Variants in OSBPL9 observed in about 807,000 individuals in gnomAD.
OSBPL9 encodes the protein oxysterol-binding protein-related protein 9.
Under a neutral mutation model 106.6 loss-of-function variants are expected in OSBPL9, and 40 were observed. The ratio of observed to expected loss-of-function variants is 0.38; its 90% confidence interval spans 0.29 to 0.49. OSBPL9 has a LOEUF of 0.49. OSBPL9 is among the 20% of genes least tolerant of loss of function. The pLI, the probability that OSBPL9 is intolerant of heterozygous loss-of-function variation, is 0.97. For missense variants in OSBPL9, 609 were observed against 887.2 expected, an observed-to-expected ratio of 0.69 and a Z score of 3.98; for synonymous variants, 269 against 295.4, an observed-to-expected ratio of 0.91 and a Z score of 0.92.
At chr1:51,766,913 CAA>C (rs35475237) in intron 12 of OSBPL9, among the ~76,000 whole-genome samples, 3 of 136,202 alleles carry the variant, frequency 2.2e-5, no homozygotes, top group African/African-American at 2.7e-5. Context: ...CTAAAAATAC[CAA>C]AAAAAAAAAA....
Position 51,729,085 on chromosome 1 carries a change from T to A in OSBPL9, c.318+15006T>A. On this transcript the variant is annotated intron_variant, in intron 4 of 23. Coordinates refer to ENST00000428468, the MANE Select transcript of OSBPL9 (RefSeq NM_024586.6). The surrounding 1 kb of genome is among the most constrained non-coding windows in gnomAD (Gnocchi z 5.1). ...GGTCCTCTTAAGTCCAGACTTTTGA[T>A]ATAATCTGCAGTTTGCGCCATTTGG... Among the ~76,000 whole-genome samples, 1 of 152,206 alleles carries A rather than the reference T, an allele frequency of 6.6e-6. No homozygotes were observed. The highest frequency in any genetic ancestry group is 2.1e-4 in the South Asian group (1 of 4,836).
chr1:51,536,447 T>C, the OSBPL9 span, among the ~76,000 whole-genome samples: 6 of 152,120 alleles, frequency 3.9e-5, no homozygotes, highest in Admixed American at 2.6e-4. Flanking sequence ...AGCTAGCTAG[T>C]ACCGCAGGCA....
intron 1 of OSBPL9, among the ~76,000 whole-genome samples, chr1:51,643,670 G>A (rs1570742751): frequency 6.6e-6 from 1 of 152,010 alleles, no homozygotes; most frequent in African/African-American, 2.4e-5. Context: ...TTGCTTGCTT[G>A]CTTGTTTTGT....
intron 1 of OSBPL9, among the ~76,000 whole-genome samples, chr1:51,649,901 G>A (rs1646408099): frequency 6.6e-6 from 1 of 151,764 alleles, no homozygotes; most frequent in South Asian, 2.1e-4. Context: ...TGAAAAAAGG[G>A]TTTTGCTCTG....
chr1:51,755,524 A>G (rs1670151375), intron 8 of OSBPL9, among the ~76,000 whole-genome samples: 1 of 152,182 alleles, frequency 6.6e-6, no homozygotes, highest in Admixed American at 6.5e-5. Context: ...TTCCCAGGCT[A>G]CTGGTAATGC....
chr1:51,712,542 A>C (rs1321654460), intron 3 of OSBPL9, among the ~76,000 whole-genome samples: 2 of 152,046 alleles, frequency 1.3e-5, no homozygotes, highest in African/African-American at 2.4e-5. Flanking sequence ...GTTGTACTTA[A>C]TCTGCTGTTG....
intron 3 of OSBPL9, among the ~76,000 whole-genome samples, chr1:51,710,802 A>G (rs1263983813): frequency 6.6e-6 from 1 of 152,032 alleles, no homozygotes; most frequent in Non-Finnish European, 1.5e-5. Context: ...GATATTTCCT[A>G]TATCTTTGGT....
intron 3 of OSBPL9, among the ~76,000 whole-genome samples, chr1:51,710,233 C>G (rs1659525311): frequency 6.6e-6 from 1 of 152,132 alleles, no homozygotes; most frequent in Non-Finnish European, 1.5e-5. Context: ...CTTATAGGAC[C>G]TGAGTTGTGT....
chr1:51,558,472 T>C, the OSBPL9 span, among the ~76,000 whole-genome samples: 1 of 152,080 alleles, frequency 6.6e-6, no homozygotes. Context: ...GTATTTGAGG[T>C]ATTTTTCCGA....
chr1:51,548,059 T>A, the OSBPL9 span, among the ~76,000 whole-genome samples: 58 of 151,986 alleles, frequency 3.8e-4, no homozygotes, highest in Non-Finnish European at 7.5e-4. Flanking sequence ...TGAATACCTA[T>A]TAATTTTCAA....
chr1:51,726,681 G>A (rs571680537), intron 4 of OSBPL9, among the ~76,000 whole-genome samples: 3 of 152,254 alleles, frequency 2.0e-5, no homozygotes, highest in African/African-American at 7.2e-5. Flanking sequence ...AGAAGAGTTG[G>A]AAATCTGATT....
At chr1:51,671,169 T>C (rs1649780937) in intron 3 of OSBPL9, among the ~76,000 whole-genome samples, 1 of 152,218 alleles carries the variant, frequency 6.6e-6, no homozygotes, top group African/African-American at 2.4e-5. Flanking sequence ...GTAGTAGTTA[T>C]GGGAGTTTTA....
chr1:51,613,638 A>G (rs1210540932), upstream of OSBPL9, among the ~76,000 whole-genome samples: 1 of 152,122 alleles, frequency 6.6e-6, no homozygotes, highest in Non-Finnish European at 1.5e-5. Context: ...AGAAACAGAA[A>G]TGGCTTTGTA....
the OSBPL9 span, among the ~76,000 whole-genome samples, chr1:51,529,989 G>A: frequency 6.9e-3 from 1,047 of 151,258 alleles, 8 homozygotes; most frequent in African/African-American, 0.024. Context: ...GGCTAACACG[G>A]TGAAACCCGT....
intron 10 of OSBPL9, among the ~76,000 whole-genome samples, chr1:51,761,005 T>C (rs1219002529): frequency 3.9e-5 from 6 of 152,198 alleles, no homozygotes; most frequent in Non-Finnish European, 7.4e-5. Context: ...CAAAGTGAGA[T>C]AGAAAACAAA....
intron 1 of OSBPL9, among the ~76,000 whole-genome samples, chr1:51,587,131 C>T (rs193219301): frequency 9.0e-4 from 137 of 152,246 alleles, no homozygotes; most frequent in African/African-American, 3.2e-3. Flanking sequence ...TTTGGGAGGC[C>T]GAGGTGGACA....
At position 51,776,818 on chromosome 1, in the gene OSBPL9, G is replaced by T; in HGVS notation, c.1171-15G>T. On this transcript the variant is annotated splice_polypyrimidine_tract_variant and intron_variant, in intron 14 of 23. Transcript: ENST00000428468. ...GAAATTTGATCTTCAAGGGTCAAAT[G>T]TGTATGTTTTTCAGGTAGTTCTTCC... 6.6e-7 allele frequency: 1 copy of T among 1,518,402 alleles called. No individual in the cohort carries two copies. Among genetic ancestry groups the T allele is most frequent in the Non-Finnish European group, 9.1e-7 (1 of 1,094,638 alleles). The allele number at this position is 1,518,402 out of a possible 1,614,324, so 94.1% of individuals were successfully genotyped here.
chr1:51,760,324 A>T (rs1484631824), intron 9 of OSBPL9: 1 of 226,300 alleles, frequency 4.4e-6, no homozygotes, highest in Non-Finnish European at 8.8e-6. Context: ...GGTGTAACTC[A>T]CCAAAAGTGA....
At chr1:51,558,122 T>C in the OSBPL9 span, among the ~76,000 whole-genome samples, 1 of 151,992 alleles carries the variant, frequency 6.6e-6, no homozygotes, top group East Asian at 1.9e-4. Context: ...CTACTAAAAA[T>C]ACAAAAAATT....
Sources: gnomAD v4.1 joint callset for allele counts (sites outside exome capture counted in the v4.1 genomes callset) on GRCh38, gnomAD v4.1.1 for gene constraint, Gnocchi (gnomAD v3.1) non-coding constraint, MANE v1.5 for transcripts, NCBI Gene and HGNC (gene_info 2026-07-23, HGNC 2026-07-21) for gene names.